Variants in FKBP9 observed in about 807,000 individuals in gnomAD.
FKBP9 encodes the protein peptidyl-prolyl cis-trans isomerase FKBP9.
FKBP9 carries 27 observed loss-of-function variants against 55.6 expected under a neutral mutation model. The observed-to-expected ratio is 0.49, with a 90% confidence interval of 0.36 to 0.67. FKBP9 has a LOEUF of 0.67. Among genes scored for constraint, FKBP9 ranks in the 30% least tolerant of loss-of-function variants. The pLI is 0.00. For missense variants in FKBP9, 539 were observed against 742.8 expected (o/e 0.73, Z 3.19); for synonymous variants, 267 against 296.5 (o/e 0.90, Z 1.02).
intron 1 of FKBP9, among the ~76,000 whole-genome samples, chr7:32,962,771 ATC>A (rs990276678): frequency 1.3e-5 from 2 of 151,678 alleles, no homozygotes; most frequent in African/African-American, 4.8e-5. Flanking sequence ...TAAAACAGAA[ATC>A]TCTGCCCTCA....
At chr7:32,989,461 G>A (rs1359621780) in intron 6 of FKBP9, among the ~76,000 whole-genome samples, 5 of 151,988 alleles carry the variant, frequency 3.3e-5, no homozygotes, top group African/African-American at 1.2e-4. Context: ...TGTCACCCAG[G>A]CTGGAGTACA....
At position 33,002,701 on chromosome 7, in the gene FKBP9, A is replaced by C; in HGVS notation, c.1398A>C (p.Val466=). Reference sequence around the variant, plus strand: ...ATGGAGAAGTGCCCGGCAGTGCCGTATTAGTGTTTGACATTGAGCTGCTGG... The same window carrying C: ...ATGGAGAAGTGCCCGGCAGTGCCGTCTTAGTGTTTGACATTGAGCTGCTGG... ...GVDGEVPGSA[V]LVFDIELLEL... Residue 466 remains valine, a synonymous_variant, in exon 9 of 10, where the codon GTA becomes GTC. Transcript: ENST00000242209. 1 of 1,614,106 alleles carries C rather than the reference A, an allele frequency of 6.2e-7. No individual in the cohort carries two copies. Among genetic ancestry groups the C allele is most frequent in the Non-Finnish European group, 8.5e-7 (1 of 1,180,008 alleles).
chr7:33,002,925 C>G lies in FKBP9; in HGVS notation c.1536+86C>G, dbSNP rs1304380165. 2.1e-6 allele frequency: 3 copies of G among 1,417,294 alleles called. No homozygotes were observed. In the East Asian group the frequency reaches 7.3e-5, roughly 34 times the overall value. The allele number at this position is 1,417,294 out of a possible 1,614,324, so 87.8% of individuals were successfully genotyped here. A position where few individuals can be genotyped will look rare whatever the true frequency, so the allele number is the denominator to read the frequency against. On this transcript the variant is annotated intron_variant, in intron 9 of 9. Coordinates refer to ENST00000242209, the MANE Select transcript of FKBP9 (RefSeq NM_007270.5). ...GTGGGGCCGGTTCTGAAGGTAAGGACTTCTAAGGGTGAGGCCAGCTGGCTG... is the reference window on the plus strand; with the variant it reads ...GTGGGGCCGGTTCTGAAGGTAAGGAGTTCTAAGGGTGAGGCCAGCTGGCTG...
At chr7:32,965,862 T>TAC (rs1784135217) in intron 1 of FKBP9, among the ~76,000 whole-genome samples, 1 of 48,376 alleles carries the variant, frequency 2.1e-5, no homozygotes, top group African/African-American at 1.1e-4. Context: ...CAGATATATA[T>TAC]ATATACATAC....
chr7:32,996,094 G>A, intron 6 of FKBP9, 69 bp from the exon 7 acceptor site: 2 of 1,453,774 alleles, frequency 1.4e-6, no homozygotes, highest in African/African-American at 1.4e-5. Flanking sequence ...CATACCTGGT[G>A]ACACTGGGGA....
intron 6 of FKBP9, among the ~76,000 whole-genome samples, chr7:32,995,434 T>C (rs1583867691): frequency 1.3e-5 from 2 of 152,316 alleles, no homozygotes; most frequent in Admixed American, 1.3e-4. Flanking sequence ...TGGGAAGCTG[T>C]CGTTAAATTC....
At chr7:32,972,059 G>A (rs1203380338) in intron 1 of FKBP9, among the ~76,000 whole-genome samples, 3 of 152,142 alleles carry the variant, frequency 2.0e-5, no homozygotes, top group Admixed American at 6.5e-5. Flanking sequence ...GCTTGCCTGT[G>A]TTCTGTGCTT....
chr7:32,981,117 T>G (rs1340700338), intron 5 of FKBP9, among the ~76,000 whole-genome samples: 1 of 149,824 alleles, frequency 6.7e-6, no homozygotes, highest in Non-Finnish European at 1.5e-5. Context: ...GGAGGTACAG[T>G]GGGCAGAGAA....
chr7:32,978,745 A>T (rs1050473641), intron 4 of FKBP9, among the ~76,000 whole-genome samples: 5 of 152,192 alleles, frequency 3.3e-5, no homozygotes, highest in African/African-American at 4.8e-5. Context: ...TTTTGTCATC[A>T]GCCACATAAC....
At position 33,002,798 on chromosome 7, in the gene FKBP9, G is replaced by A; in HGVS notation, c.1495G>A (p.Glu499Lys). 6.2e-7 allele frequency: 1 copy of A among 1,614,180 alleles called. No homozygotes were observed. The highest frequency in any genetic ancestry group is 1.1e-5 in the South Asian group (1 of 91,070). Residue 499 changes from glutamate to lysine, a missense_variant, in exon 9 of 10, where the codon GAA (glutamate) becomes AAA (lysine). By Grantham distance (56) the Glu-to-Lys change is moderately conservative. Transcript: ENST00000242209. ...TGAGGTGTCACCCAACCTCTTTGAAGAAATTGACAAGGATGGCAACGGAGA... is the reference window on the plus strand; with the variant it reads ...TGAGGTGTCACCCAACCTCTTTGAAAAAATTGACAAGGATGGCAACGGAGA... ...NGEVSPNLFE[E>K]IDKDGNGEVL... is the part of the protein sequence containing the mutation.
chr7:32,991,458 C>T (rs1433713272), intron 6 of FKBP9, among the ~76,000 whole-genome samples: 3 of 152,188 alleles, frequency 2.0e-5, no homozygotes, highest in African/African-American at 7.2e-5. Context: ...GTGCTGATCC[C>T]TGAGGGGCTG....
chr7:32,966,053 C>T (rs572349450), intron 1 of FKBP9, among the ~76,000 whole-genome samples: 8 of 148,244 alleles, frequency 5.4e-5, no homozygotes, highest in Non-Finnish European at 1.2e-4. Context: ...ATTAGCTGGG[C>T]GTGGTAGCGT....
chr7:32,990,136 G>A (rs1298637170), intron 6 of FKBP9, among the ~76,000 whole-genome samples: 1 of 152,084 alleles, frequency 6.6e-6, no homozygotes, highest in Non-Finnish European at 1.5e-5. Flanking sequence ...CTAGCCTCCT[G>A]TTACCTTATT....
rs57598279 is a variant in FKBP9 at position 32,965,812 on chromosome 7, A to AATATATATATATAT, written c.221+8037_221+8050dup. Among the ~76,000 whole-genome samples, 6 of 34,940 alleles carry AATATATATATATAT rather than the reference A, an allele frequency of 1.7e-4. 1 individual carries two copies. Among genetic ancestry groups the AATATATATATATAT allele is most frequent in the African/African-American group, 7.3e-4 (6 of 8,234 alleles). 22.9% of individuals were successfully genotyped at this position (34,940 alleles called of 152,430 possible). A position where few individuals can be genotyped will look rare whatever the true frequency, so the allele number is the denominator to read the frequency against. On this transcript the variant is annotated intron_variant, in intron 1 of 9. Transcript: ENST00000242209. ...GACTCCATGTCAAAAAAAAAAAAAA[A>AATATATATATATAT]ATATATATATATATATATATATATA...
chr7:32,963,474 G>C lies in FKBP9; in HGVS notation c.221+5680G>C, dbSNP rs934462123. 47 of 515,928 alleles carry C rather than the reference G, an allele frequency of 9.1e-5. No individual in the cohort carries two copies. In the African/African-American group the frequency reaches 9.3e-4, roughly 10 times the overall value. The allele number at this position is 515,928 out of a possible 1,614,324, so 32.0% of individuals were successfully genotyped here. A position where few individuals can be genotyped will look rare whatever the true frequency, so the allele number is the denominator to read the frequency against. ...AGTGGATGGACTGATAGTGTAAGTA[G>C]AAATTCTAGAGATCAGCCTCATTGG... On this transcript the variant is annotated intron_variant, in intron 1 of 9. Coordinates refer to ENST00000242209, the MANE Select transcript of FKBP9 (RefSeq NM_007270.5).
intron 6 of FKBP9, among the ~76,000 whole-genome samples, chr7:32,994,584 C>T (rs1784748391): frequency 2.0e-5 from 3 of 151,550 alleles, no homozygotes; most frequent in Non-Finnish European, 4.4e-5. Context: ...GCACCCCACT[C>T]CACCCACACC....
chr7:33,003,678 A>G (rs1220014747), intron 9 of FKBP9, among the ~76,000 whole-genome samples: 1 of 152,104 alleles, frequency 6.6e-6, no homozygotes, highest in Admixed American at 6.5e-5. Flanking sequence ...TGATTCCCCT[A>G]CAGGACGCAT....
rs1785009839 is a variant in FKBP9, at chr7:33,005,175, T to C, written c.1537T>C (p.Phe513Leu). Residue 513 changes from phenylalanine (F) to leucine (L), a missense_variant and splice_region_variant, in exon 10 of 10, where the codon TTC becomes CTC. Coordinates refer to ENST00000242209, the MANE Select transcript of FKBP9 (RefSeq NM_007270.5). ...DGNGEVLLEEFSEYIHAQVAS... is the reference protein window; with the variant it reads ...DGNGEVLLEELSEYIHAQVAS... ...TCTTTCCTGTCCCCTTCTTTTCCAG[T>C]TCTCAGAGTACATTCACGCCCAGGT... 2 of 1,612,906 alleles carry C rather than the reference T, an allele frequency of 1.2e-6. No homozygotes were observed. The highest frequency in any genetic ancestry group is 1.7e-6 in the Non-Finnish European group (2 of 1,179,130).
rs1332936047 is a variant in FKBP9 at position 32,957,757 on chromosome 7, G to A, written c.184G>A (p.Val62Met). 3 of 1,492,194 alleles carry A rather than the reference G, an allele frequency of 2.0e-6. No homozygotes were observed. The highest frequency in any genetic ancestry group is 1.5e-5 in the African/African-American group (1 of 68,648). The allele number at this position is 1,492,194 out of a possible 1,614,324, so 92.4% of individuals were successfully genotyped here. Residue 62 changes from valine (V) to methionine (M), a missense_variant, in exon 1 of 10, where the codon GTG (valine) becomes ATG (methionine). This residue lies in a region of FKBP9 where 236 missense variants were observed against 271.5 expected (regional missense o/e 0.87). Coordinates refer to ENST00000242209, the MANE Select transcript of FKBP9 (RefSeq NM_007270.5). ...CGGCGACTTCGTGCGCTACCACTAC[G>A]TGGGGACGTTCCCCGACGGCCAGAA... ...RSGDFVRYHY[V>M]GTFPDGQKFD... is the part of the protein sequence containing the mutation.
Sources: gnomAD v4.1 joint callset for allele counts (sites outside exome capture counted in the v4.1 genomes callset) on GRCh38, gnomAD v4.1.1 for gene constraint, gnomAD v4.1.1 regional missense constraint, MANE v1.5 for transcripts, NCBI Gene and HGNC (gene_info 2026-07-23, HGNC 2026-07-21) for gene names.